Variants in RNF17 observed in about 807,000 individuals in gnomAD.
The protein encoded by RNF17 is spermatogenesis associated 23.
In RNF17, 31 loss-of-function variants were observed where a neutral mutation model predicts 200.5. That is an observed-to-expected ratio of 0.15 (90% confidence interval 0.12 to 0.21). The LOEUF (loss-of-function observed/expected upper bound fraction) is 0.21. Among genes scored for constraint, RNF17 ranks in the 10% least tolerant of loss-of-function variants. The pLI is 1.00. For synonymous variants in RNF17, 606 were observed against 637.8 expected (o/e 0.95, Z 0.75); for missense variants, 1,628 against 1,905.1 (o/e 0.85, Z 2.71).
chr13:24,857,732 C>A (rs1351785345), intron 25 of RNF17, among the ~76,000 whole-genome samples: 2 of 152,126 alleles, frequency 1.3e-5, no homozygotes, highest in Non-Finnish European at 2.9e-5. Context: ...GACCCCATCG[C>A]TACAAAACAT....
intron 15 of RNF17, among the ~76,000 whole-genome samples, chr13:24,811,922 C>T (rs1325232613): frequency 6.6e-6 from 1 of 152,102 alleles, no homozygotes; most frequent in African/African-American, 2.4e-5. Flanking sequence ...CAGTCTACCC[C>T]TGCTGGGGGG....
chr13:24,824,262 G>T (rs1888397947), intron 15 of RNF17: 4 of 706,020 alleles, frequency 5.7e-6, no homozygotes, highest in East Asian at 2.7e-5. Flanking sequence ...ATTGGAAGAA[G>T]AACTTAAAGC....
the RNF17 span, among the ~76,000 whole-genome samples, chr13:24,749,833 T>A: frequency 6.6e-6 from 1 of 152,210 alleles, no homozygotes; most frequent in African/African-American, 2.4e-5. Flanking sequence ...CACTGCAACC[T>A]CTGCTGTCCA....
At chr13:24,794,386 T>A (rs1884276405) in intron 10 of RNF17, 3 of 333,318 alleles carry the variant, frequency 9.0e-6, no homozygotes, top group South Asian at 6.9e-5. Context: ...AAAGTTTTAA[T>A]TCCGGGGCCA....
chr13:24,752,428 G>A, the RNF17 span, among the ~76,000 whole-genome samples: 2 of 152,216 alleles, frequency 1.3e-5, no homozygotes, highest in African/African-American at 4.8e-5. Context: ...GTCATTCGCA[G>A]CCACATGGAG....
At chr13:24,755,879 G>T in the RNF17 span, among the ~76,000 whole-genome samples, 1 of 152,036 alleles carries the variant, frequency 6.6e-6, no homozygotes, top group Non-Finnish European at 1.5e-5. Context: ...TAATTATGTT[G>T]TTTCACCTTC....
intron 2 of RNF17, among the ~76,000 whole-genome samples, chr13:24,769,735 T>A (rs900285437): frequency 9.2e-5 from 14 of 152,242 alleles, no homozygotes; most frequent in African/African-American, 3.4e-4. Flanking sequence ...GTTAGACTTA[T>A]AATTTATCTT....
intron 7 of RNF17, 139 bp downstream of exon 7, chr13:24,788,298 T>C (rs917581794): frequency 7.4e-6 from 4 of 538,342 alleles, no homozygotes; most frequent in Non-Finnish European, 1.2e-5. Flanking sequence ...GATGACAATA[T>C]AGGTTAGGAT....
At chr13:24,834,778 T>C (rs751020584) in intron 18 of RNF17, among the ~76,000 whole-genome samples, 42 of 151,994 alleles carry the variant, frequency 2.8e-4, no homozygotes, top group African/African-American at 9.7e-4. Flanking sequence ...GAGAAGGAAA[T>C]CTCTAGCTGA....
chr13:24,819,825 A>T (rs1051006681), intron 15 of RNF17, among the ~76,000 whole-genome samples: 6 of 152,172 alleles, frequency 3.9e-5, no homozygotes, highest in Non-Finnish European at 8.8e-5. Context: ...ATTTACCTTC[A>T]CCAGAGATCT....
At chr13:24,865,193 T>C (rs943863775) in intron 29 of RNF17, among the ~76,000 whole-genome samples, 195 bp downstream of exon 29, 10 of 152,234 alleles carry the variant, frequency 6.6e-5, no homozygotes, top group African/African-American at 2.4e-4. Flanking sequence ...TAAAAGACTT[T>C]AATTACATTA....
chr13:24,840,931 T>C (rs905128965), intron 18 of RNF17, among the ~76,000 whole-genome samples: 1 of 152,220 alleles, frequency 6.6e-6, no homozygotes, highest in African/African-American at 2.4e-5. Flanking sequence ...TTATAACTCT[T>C]ATAACTTGGT....
chr13:24,818,272 T>G (rs1490706409), intron 15 of RNF17, among the ~76,000 whole-genome samples: 1 of 152,184 alleles, frequency 6.6e-6, no homozygotes, highest in Admixed American at 6.5e-5. Context: ...TGAAATGTAT[T>G]AAGACATTTT....
chr13:24,837,406 C>T (rs1162469625), intron 18 of RNF17, among the ~76,000 whole-genome samples: 1 of 152,028 alleles, frequency 6.6e-6, no homozygotes, highest in Non-Finnish European at 1.5e-5. Flanking sequence ...ATCCAACAAC[C>T]GTAGAATACC....
chr13:24,844,743 G>C lies in RNF17; in HGVS notation c.2923G>C (p.Asp975His), dbSNP rs1891056797. 6.2e-7 allele frequency: 1 copy of C among 1,613,826 alleles called. No homozygotes were observed. Among genetic ancestry groups the C allele is most frequent in the Non-Finnish European group, 8.5e-7 (1 of 1,179,762 alleles). Residue 975 changes from aspartate to histidine, a missense_variant, in exon 21 of 36, where the codon GAT becomes CAT. By Grantham distance (81) the Asp-to-His change is moderately conservative. Coordinates refer to ENST00000255324, the MANE Select transcript of RNF17 (RefSeq NM_031277.3). ...NDMHCAVKIQ[D>H]KNQWRRGQII... ...TATGCACTGTGCTGTTAAGATCCAA[G>C]ATAAAAATCAGTGGCGAAGAGGCCA... is the stretch of plus-strand genomic sequence containing the variant.
At chr13:24,819,170 T>G (rs1887750634) in intron 15 of RNF17, among the ~76,000 whole-genome samples, 1 of 152,190 alleles carries the variant, frequency 6.6e-6, no homozygotes, top group South Asian at 2.1e-4. Flanking sequence ...ACTATACTCG[T>G]TAAACAACAG....
chr13:24,841,401 A>C (rs1890627821), intron 18 of RNF17, among the ~76,000 whole-genome samples: 1 of 152,228 alleles, frequency 6.6e-6, no homozygotes, highest in Non-Finnish European at 1.5e-5. Flanking sequence ...AACTTGGTTG[A>C]GTTCCATAAA....
At chr13:24,837,357 T>C (rs1342761882) in intron 18 of RNF17, among the ~76,000 whole-genome samples, 1 of 152,154 alleles carries the variant, frequency 6.6e-6, no homozygotes, top group Non-Finnish European at 1.5e-5. Context: ...AACTATACCT[T>C]GGAACAAATG....
chr13:24,784,924 G>T (rs897656655), intron 6 of RNF17, among the ~76,000 whole-genome samples: 82 of 152,134 alleles, frequency 5.4e-4, no homozygotes, highest in Non-Finnish European at 1.0e-3. Context: ...AGCCAGGATG[G>T]TCTCGATCTC....
Sources: allele counts gnomAD v4.1 joint callset (sites outside exome capture counted in the v4.1 genomes callset), GRCh38; gene constraint gnomAD v4.1.1; transcripts MANE v1.5; gene names NCBI Gene and HGNC (gene_info 2026-07-23, HGNC 2026-07-21).